Variants in HIPK2 observed in about 807,000 individuals in gnomAD.
HIPK2 encodes homeodomain-interacting protein kinase 2.
HIPK2 carries 27 observed loss-of-function variants against 113.7 expected under a neutral mutation model. The observed-to-expected ratio is 0.24, with a 90% confidence interval of 0.17 to 0.33. The LOEUF (loss-of-function observed/expected upper bound fraction) is 0.33. Ranked by LOEUF, HIPK2 falls within the 10% of genes least tolerant of loss-of-function variation. The probability of loss-of-function intolerance (pLI) is 1.00; values close to 1 mark genes in which losing one functional copy is unlikely to be tolerated. For missense variants in HIPK2, 1,257 were observed against 1,588.0 expected, an observed-to-expected ratio of 0.79 and a Z score of 3.54; for synonymous variants, 631 against 642.2, an observed-to-expected ratio of 0.98 and a Z score of 0.26.
intron 1 of HIPK2, among the ~76,000 whole-genome samples, chr7:139,771,646 G>A (rs756166093): frequency 1.1e-4 from 16 of 152,182 alleles, no homozygotes; most frequent in Non-Finnish European, 2.2e-4. Flanking sequence ...GGTTCACGAT[G>A]ATGCAAGAAC....
intron 1 of HIPK2, among the ~76,000 whole-genome samples, chr7:139,763,628 C>T (rs1198367379): frequency 1.3e-5 from 2 of 152,154 alleles, no homozygotes; most frequent in African/African-American, 2.4e-5. Flanking sequence ...GTTTGCCAAC[C>T]CCCAGACAAG....
At chr7:139,582,452 C>T (rs549649770) in intron 13 of HIPK2, among the ~76,000 whole-genome samples, 7 of 152,342 alleles carry the variant, frequency 4.6e-5, no homozygotes, top group South Asian at 2.1e-4. Flanking sequence ...CCCACAGGAG[C>T]GCTGGCTCTG....
chr7:139,614,548 G>A (rs1799963207), intron 7 of HIPK2, 55 bp from the exon 8 acceptor site: 2 of 756,334 alleles, frequency 2.6e-6, no homozygotes, highest in Non-Finnish European at 3.8e-6. Flanking sequence ...AATGAGGGAG[G>A]TGGCATGTTG....
intron 2 of HIPK2, among the ~76,000 whole-genome samples, chr7:139,715,214 A>T (rs1024840343): frequency 1.4e-4 from 21 of 152,160 alleles, no homozygotes; most frequent in Non-Finnish European, 5.9e-5. Context: ...GAATGACTGC[A>T]TGTGTGAGTC....
At chr7:139,591,199 C>A (rs953311790) in intron 12 of HIPK2, among the ~76,000 whole-genome samples, 4 of 152,272 alleles carry the variant, frequency 2.6e-5, no homozygotes, top group Admixed American at 2.6e-4. Flanking sequence ...TATGTCTACA[C>A]GTGTGTGTAT....
intron 2 of HIPK2, among the ~76,000 whole-genome samples, chr7:139,637,290 C>T (rs951875173): frequency 3.3e-5 from 5 of 152,200 alleles, no homozygotes; most frequent in African/African-American, 9.7e-5. Context: ...CCCCACTGGA[C>T]TTGGAATGAA....
intron 1 of HIPK2, among the ~76,000 whole-genome samples, chr7:139,759,377 A>G (rs2109338): frequency 0.32 from 48,170 of 152,156 alleles, 9,622 homozygotes; most frequent in African/African-American, 0.56. Context: ...GAATTTGTCA[A>G]TAACTTTTAA....
intron 1 of HIPK2, among the ~76,000 whole-genome samples, chr7:139,749,421 T>A (rs909722683): frequency 2.6e-5 from 4 of 152,244 alleles, no homozygotes; most frequent in African/African-American, 9.6e-5. Context: ...AAACCTGGCT[T>A]GAATCCTAGC....
chr7:139,681,891 A>T (rs1374832898), intron 2 of HIPK2, among the ~76,000 whole-genome samples: 2 of 152,174 alleles, frequency 1.3e-5, no homozygotes, highest in African/African-American at 4.8e-5. Flanking sequence ...TGGTTCTAGG[A>T]CAGCATCTCC....
chr7:139,749,679 C>T (rs984170525), intron 1 of HIPK2, among the ~76,000 whole-genome samples: 1 of 152,184 alleles, frequency 6.6e-6, no homozygotes, highest in Non-Finnish European at 1.5e-5. Context: ...GGGCTTAGAG[C>T]CTCTGATTAC....
chr7:139,701,553 C>T (rs1405281776), intron 2 of HIPK2, among the ~76,000 whole-genome samples: 1 of 152,186 alleles, frequency 6.6e-6, no homozygotes, highest in Non-Finnish European at 1.5e-5. Context: ...CTACGTCTCT[C>T]TGTCTCATTA....
intron 2 of HIPK2, among the ~76,000 whole-genome samples, chr7:139,648,960 G>A (rs1451610020): frequency 6.6e-6 from 1 of 152,116 alleles, no homozygotes; most frequent in Non-Finnish European, 1.5e-5. Context: ...CGGAAGAACA[G>A]AAACTCTAAA....
At position 139,641,630 on chromosome 7, in the gene HIPK2, G is replaced by A. The variant is rs576285951; in HGVS notation, c.1104-9905C>T. 2.0e-5 allele frequency among the ~76,000 whole-genome samples: 3 copies of A among 152,278 alleles called. No homozygotes were observed. In the South Asian group the frequency reaches 6.2e-4, roughly 32 times the overall value. On this transcript the variant is annotated intron_variant, in intron 2 of 14. Transcript: ENST00000406875. ...GGAACAGGTTTGGGAGGGTGGTCCC[G>A]TGGGTCTGAGGACCCCGGTGGGCAG...
intron 2 of HIPK2, among the ~76,000 whole-genome samples, chr7:139,690,128 C>T (rs1374548990): frequency 6.6e-6 from 1 of 152,082 alleles, no homozygotes; most frequent in Non-Finnish European, 1.5e-5. Context: ...CAGGGGAAAG[C>T]GCTTGGGAAA....
intron 2 of HIPK2, among the ~76,000 whole-genome samples, chr7:139,668,526 G>A (rs985045012): frequency 5.5e-5 from 8 of 146,566 alleles, no homozygotes; most frequent in African/African-American, 7.6e-5. Context: ...CAGTGAGATC[G>A]CGCCACTGCA....
intron 2 of HIPK2, among the ~76,000 whole-genome samples, chr7:139,648,434 A>G (rs1174201214): frequency 6.6e-6 from 1 of 152,208 alleles, no homozygotes; most frequent in Non-Finnish European, 1.5e-5. Flanking sequence ...CCAGGAAATC[A>G]CTAGCGGCAG....
Position 139,714,285 on chromosome 7 carries a change from C to T in HIPK2, c.1103+1647G>A, listed in dbSNP as rs1388945079. Among the ~76,000 whole-genome samples, 1 of 152,202 alleles carries T rather than the reference C, an allele frequency of 6.6e-6. No individual in the cohort carries two copies. Among genetic ancestry groups the T allele is most frequent in the Non-Finnish European group, 1.5e-5 (1 of 68,044 alleles). ...GGGAAGAGGGAAGAGACAGAAACAG[C>T]ATGGGTGAAGAGGCCTCGAAACCTC... On this transcript the variant is annotated intron_variant, in intron 2 of 14. Transcript: ENST00000406875. This position sits in a 1 kb window ranked among gnomAD's most constrained non-coding sequence, Gnocchi z 4.2.
chr7:139,754,851 C>T (rs1398714869), intron 1 of HIPK2, among the ~76,000 whole-genome samples: 1 of 152,156 alleles, frequency 6.6e-6, no homozygotes, highest in Non-Finnish European at 1.5e-5. Flanking sequence ...CGTTCTCTTG[C>T]TATGGAGGAC....
intron 1 of HIPK2, among the ~76,000 whole-genome samples, chr7:139,746,140 C>A (rs192976452): frequency 1.3e-4 from 20 of 152,210 alleles, no homozygotes; most frequent in Non-Finnish European, 2.4e-4. Flanking sequence ...AACTCTCCAT[C>A]TGCTGATGGC....
Sources: gnomAD v4.1 joint callset for allele counts (sites outside exome capture counted in the v4.1 genomes callset) on GRCh38, gnomAD v4.1.1 for gene constraint, Gnocchi (gnomAD v3.1) non-coding constraint, MANE v1.5 for transcripts, NCBI Gene and HGNC (gene_info 2026-07-23, HGNC 2026-07-21) for gene names.